The following LARGE1 variants were observed in gnomAD, a reference collection of about 807,000 sequenced individuals.
LARGE1 encodes the protein LARGE xylosyl- and glucuronyltransferase 1, also known as xylosyl- and glucuronyltransferase LARGE1.
A neutral mutation model predicts 87.6 loss-of-function variants in LARGE1; 43 were observed. The observed-to-expected ratio is 0.49, with a 90% CI of 0.38 to 0.63. The LOEUF (loss-of-function observed/expected upper bound fraction) is 0.63. Ranked by LOEUF, LARGE1 falls within the 30% of genes least tolerant of loss-of-function variation. The pLI is 0.00. For missense variants in LARGE1, 802 were observed against 1,000.2 expected (o/e 0.80, Z 2.67); for synonymous variants, 434 against 394.6 (o/e 1.10, Z -1.18).
the LARGE1 span, among the ~76,000 whole-genome samples, chr22:33,138,729 C>T: frequency 5.9e-5 from 9 of 152,278 alleles, no homozygotes; most frequent in South Asian, 1.7e-3. Flanking sequence ...CAGGCACGAG[C>T]CACCACACCT....
At chr22:33,349,368 G>T (rs1940136540) in intron 9 of LARGE1, among the ~76,000 whole-genome samples, 1 of 152,154 alleles carries the variant, frequency 6.6e-6, no homozygotes, top group Non-Finnish European at 1.5e-5. Context: ...GTTCACCATG[G>T]AGCCTGCAGC....
chr22:33,733,554 T>C (rs2083544016), intron 2 of LARGE1: 1 of 152,178 alleles, frequency 6.6e-6, no homozygotes, highest in African/African-American at 2.4e-5. Flanking sequence ...TTAATTTGCA[T>C]TTGAAACTTT....
At chr22:33,474,862 C>G (rs764463007) in intron 6 of LARGE1, among the ~76,000 whole-genome samples, 1 of 152,174 alleles carries the variant, frequency 6.6e-6, no homozygotes, top group Non-Finnish European at 1.5e-5. Context: ...GCTCCTGCAT[C>G]CAAAACACAG....
intron 6 of LARGE1, among the ~76,000 whole-genome samples, chr22:33,545,419 AACACACAC>A (rs55754949): frequency 0.35 from 50,839 of 143,894 alleles, 10,342 homozygotes; most frequent in Non-Finnish European, 0.46. Flanking sequence ...ACACCCAGCT[AACACACAC>A]ACACACACAC....
chr22:33,661,351 G>A (rs528218618), intron 2 of LARGE1, among the ~76,000 whole-genome samples: 23 of 151,974 alleles, frequency 1.5e-4, no homozygotes, highest in Middle Eastern at 3.4e-3. Context: ...AAGTAGCTGG[G>A]ATTACAGGCG....
At chr22:33,643,282 G>C (rs2149148307) in intron 3 of LARGE1, among the ~76,000 whole-genome samples, 1 of 152,244 alleles carries the variant, frequency 6.6e-6, no homozygotes, top group Middle Eastern at 3.4e-3. Context: ...TGAACAACAT[G>C]CTCCTGAATG....
At chr22:33,618,867 C>A (rs535336672) in intron 4 of LARGE1, among the ~76,000 whole-genome samples, 3 of 152,236 alleles carry the variant, frequency 2.0e-5, no homozygotes, top group Non-Finnish European at 4.4e-5. Flanking sequence ...ACCTATTTTA[C>A]ACATAACTAC....
chr22:33,604,537 G>A lies in LARGE1; in HGVS notation c.513C>T (p.His171=). 6.2e-7 allele frequency: 1 copy of A among 1,614,114 alleles called. No individual in the cohort carries two copies. Among genetic ancestry groups the A allele is most frequent in the Non-Finnish European group, 8.5e-7 (1 of 1,179,990 alleles). The change falls in exon 5 of 15, where the codon CAC becomes CAT. Residue 171 remains histidine, a synonymous_variant. Coordinates refer to ENST00000397394, the MANE Select transcript of LARGE1 (RefSeq NM_133642.5). ...LFHRRNPLHF[H]LIADSIAEQI... is the part of the protein sequence containing the mutation. ...GCTCCGCAATGGAGTCAGCAATAAG[G>A]TGGAAGTGCAGAGGGTTCCGTCTGT...
chr22:33,916,536 A>G (rs560533903), intron 1 of LARGE1, among the ~76,000 whole-genome samples: 1 of 152,282 alleles, frequency 6.6e-6, no homozygotes, highest in Admixed American at 6.5e-5. Flanking sequence ...AACACCTCTC[A>G]ATGGCAAATA....
chr22:33,870,556 GTGTTGTTGTTGTTGT>G (rs67447726), intron 1 of LARGE1, among the ~76,000 whole-genome samples: 1 of 150,442 alleles, frequency 6.6e-6, no homozygotes, highest in South Asian at 2.1e-4. Context: ...ATGACTGTCT[GTGTTGTTGTTGTTGT>G]TGTTGTTGTT....
intron 6 of LARGE1, among the ~76,000 whole-genome samples, chr22:33,477,625 C>A (rs906132234): frequency 6.6e-6 from 1 of 152,140 alleles, no homozygotes; most frequent in Non-Finnish European, 1.5e-5. Context: ...CCCCCACGTT[C>A]GCCACAAAAT....
rs143738776 is a variant in LARGE1, at chr22:33,335,932, T to C, written c.1287+1714A>G. ...TTTCTGCGAGTTTAGTTATTAACTG[T>C]GTCTCCTCCACCAGAATATAAACAT... On this transcript the variant is annotated intron_variant, in intron 10 of 14. Coordinates refer to ENST00000397394, the MANE Select transcript of LARGE1 (RefSeq NM_133642.5). Among the ~76,000 whole-genome samples, 358 of 152,324 alleles carry C rather than the reference T, an allele frequency of 2.4e-3. 3 individuals are homozygous for C. The Middle Eastern group carries it at 0.037, about 16-fold the overall frequency.
chr22:33,880,079 G>A (rs1365620385), intron 1 of LARGE1, among the ~76,000 whole-genome samples: 1 of 152,180 alleles, frequency 6.6e-6, no homozygotes, highest in Non-Finnish European at 1.5e-5. Context: ...AACACCAATT[G>A]TCACCTCTCC....
intron 7 of LARGE1, among the ~76,000 whole-genome samples, chr22:33,417,738 G>A (rs2066551206): frequency 6.6e-6 from 1 of 152,150 alleles, no homozygotes; most frequent in African/African-American, 2.4e-5. Flanking sequence ...CCAGGTTGTT[G>A]GCAGAATTCA....
At chr22:33,913,643 G>A (rs2065700960) in intron 1 of LARGE1, among the ~76,000 whole-genome samples, 2 of 151,906 alleles carry the variant, frequency 1.3e-5, no homozygotes, top group African/African-American at 2.4e-5. Flanking sequence ...TCACAGGTTC[G>A]AGCCATTCTC....
chr22:33,840,957 T>C (rs145483197), intron 1 of LARGE1, among the ~76,000 whole-genome samples: 8 of 152,334 alleles, frequency 5.3e-5, no homozygotes, highest in African/African-American at 1.9e-4. Context: ...AAAAGCAATA[T>C]GCATTCAATA....
At chr22:33,173,786 G>C (rs1490798554) in intron 11 of LARGE1, among the ~76,000 whole-genome samples, 3 of 152,076 alleles carry the variant, frequency 2.0e-5, no homozygotes. Flanking sequence ...AACAAGAAGA[G>C]CTAACTATCC....
intron 10 of LARGE1, among the ~76,000 whole-genome samples, chr22:33,321,514 C>T (rs1342195006): frequency 6.6e-6 from 1 of 152,248 alleles, no homozygotes; most frequent in African/African-American, 2.4e-5. Flanking sequence ...AAATTATCCT[C>T]CACTGGAGAC....
At chr22:33,263,569 A>G (rs185373397) in intron 11 of LARGE1, among the ~76,000 whole-genome samples, 1 of 152,320 alleles carries the variant, frequency 6.6e-6, no homozygotes, top group East Asian at 1.9e-4. Context: ...CCAACAACCA[A>G]TGAATTTGGA....
Sources: gnomAD v4.1 joint callset for allele counts (sites outside exome capture counted in the v4.1 genomes callset) on GRCh38, gnomAD v4.1.1 for gene constraint, MANE v1.5 for transcripts, NCBI Gene and HGNC (gene_info 2026-07-23, HGNC 2026-07-21) for gene names.